The following DNAH10 variants were observed in gnomAD, a reference collection of about 807,000 sequenced individuals.
DNAH10 encodes the protein axonemal beta dynein heavy chain 10.
A neutral mutation model predicts 506.6 loss-of-function variants in DNAH10; 348 were observed. That is an observed-to-expected ratio of 0.69 (90% confidence interval 0.63 to 0.75). The LOEUF (loss-of-function observed/expected upper bound fraction) is 0.75. Among genes scored for constraint, DNAH10 ranks in the 30% least tolerant of loss-of-function variants. The pLI, the probability that DNAH10 is intolerant of heterozygous loss-of-function variation, is 0.00. For missense variants in DNAH10, 5,179 were observed against 5,787.1 expected (o/e 0.89, Z 3.41); for synonymous variants, 2,059 against 2,198.6 (o/e 0.94, Z 1.78).
Position 123,933,467 on chromosome 12 carries a change from C to A in DNAH10, c.13433C>A (p.Thr4478Asn). Reference protein sequence around the residue: ...LDRSTLFTQVTKFQDADEVNE... With the variant: ...LDRSTLFTQVNKFQDADEVNE... ...CGCTCCACCTTGTTCACACAAGTGACCAAGTTCCAGGATGCAGATGAAGTG... is the reference window on the plus strand; with the variant it reads ...CGCTCCACCTTGTTCACACAAGTGAACAAGTTCCAGGATGCAGATGAAGTG... Residue 4478 changes from threonine (T) to asparagine (N), a missense_variant, in exon 77 of 79, where the codon ACC becomes AAC. By Grantham distance (65) the Thr-to-Asn change is moderately conservative. Around this residue, in one of 3 missense-constraint regions of DNAH10, gnomAD observed 4,844 missense variants for 5,430.5 expected, o/e 0.89. Transcript: ENST00000673944. The A allele has an allele frequency of 6.2e-7, 1 of 1,611,932 alleles. No individual in the cohort carries two copies. The highest frequency in any genetic ancestry group is 1.7e-4 in the Middle Eastern group (1 of 6,050).
At chr12:123,848,486 G>C (rs1384025100) in intron 33 of DNAH10, among the ~76,000 whole-genome samples, 1 of 152,150 alleles carries the variant, frequency 6.6e-6, no homozygotes, top group Non-Finnish European at 1.5e-5. Flanking sequence ...CATTTCAAGA[G>C]AAGAGAAGAG....
rs758662504 is a variant in DNAH10 at position 123,903,511 on chromosome 12, C to T, written c.9815+398C>T. On this transcript the variant is annotated intron_variant, in intron 57 of 78. Coordinates refer to ENST00000673944, the MANE Select transcript of DNAH10 (RefSeq NM_001372106.1). This position sits in a 1 kb window ranked among gnomAD's most constrained non-coding sequence, Gnocchi z 4.6. ...GCTCTGCAGAGATGTGTGCACACCA[C>T]GGCCGGACTGGCGATGCCTGAATCC... Among the ~76,000 whole-genome samples, 4 of 152,198 alleles carry T rather than the reference C, an allele frequency of 2.6e-5. No homozygotes were observed. The highest frequency in any genetic ancestry group is 4.4e-5 in the Non-Finnish European group (3 of 68,030).
At chr12:123,884,667 A>G (rs1249842737) in intron 51 of DNAH10, among the ~76,000 whole-genome samples, 1 of 152,094 alleles carries the variant, frequency 6.6e-6, no homozygotes, top group African/African-American at 2.4e-5. Flanking sequence ...ATACCATCAC[A>G]TTGGGGGTTA....
chr12:123,916,849 C>T lies in DNAH10; in HGVS notation c.11002+113C>T. On this transcript the variant is annotated intron_variant, in intron 63 of 78. Coordinates refer to ENST00000673944, the MANE Select transcript of DNAH10 (RefSeq NM_001372106.1). The surrounding 1 kb of genome is among the most constrained non-coding windows in gnomAD (Gnocchi z 4.6). ...TCACTCAGTGACCCCAGATCATTCT[C>T]TCATAGGCACATCTGGACTAGTCAG... 7.7e-7 allele frequency: 1 copy of T among 1,306,964 alleles called. No homozygotes were observed. 81.0% of individuals were successfully genotyped at this position (1,306,964 alleles called of 1,614,324 possible).
At chr12:123,931,508 T>G (rs1474060126) in intron 74 of DNAH10, 36 bp downstream of exon 74, 1 of 1,609,554 alleles carries the variant, frequency 6.2e-7, no homozygotes, top group Non-Finnish European at 8.5e-7. Context: ...TTAGTTTGAT[T>G]GGGGTTTTAC....
At chr12:123,821,946 C>T (rs1959454702) in intron 24 of DNAH10, among the ~76,000 whole-genome samples, 1 of 151,948 alleles carries the variant, frequency 6.6e-6, no homozygotes, top group Non-Finnish European at 1.5e-5. Flanking sequence ...GTGGCTCACA[C>T]CTGTAATCCC....
chr12:123,928,743 CTCTT>C lies in DNAH10; in HGVS notation c.12306+158_12306+161del, dbSNP rs1168445555. ...TGAAACCCTTCTCAATCCCACCTCT[CTCTT>C]TAGAGGGAGCCGCTGTCCTGGGTTG... On this transcript the variant is annotated intron_variant, in intron 70 of 78. Coordinates refer to ENST00000673944, the MANE Select transcript of DNAH10 (RefSeq NM_001372106.1). This position sits in a 1 kb window ranked among gnomAD's most constrained non-coding sequence, Gnocchi z 4.9. 1 of 848,444 alleles carries C rather than the reference CTCTT, an allele frequency of 1.2e-6. No homozygotes were observed. Among genetic ancestry groups the C allele is most frequent in the Non-Finnish European group, 1.8e-6 (1 of 562,314 alleles). The allele number at this position is 848,444 out of a possible 1,614,324, so 52.6% of individuals were successfully genotyped here.
chr12:123,778,018 C>T (rs1957504661), intron 5 of DNAH10, among the ~76,000 whole-genome samples: 1 of 152,014 alleles, frequency 6.6e-6, no homozygotes, highest in African/African-American at 2.4e-5. Flanking sequence ...AACAAAATAA[C>T]ATCAACCCCA....
At chr12:123,844,193 T>A (rs951762111) in intron 30 of DNAH10, among the ~76,000 whole-genome samples, 4 of 152,116 alleles carry the variant, frequency 2.6e-5, no homozygotes, top group Non-Finnish European at 5.9e-5. Flanking sequence ...TCAGATCTCA[T>A]GAGAACTCAC....
chr12:123,825,534 G>A (rs1959888542), intron 24 of DNAH10, among the ~76,000 whole-genome samples: 1 of 152,172 alleles, frequency 6.6e-6, no homozygotes, highest in Non-Finnish European at 1.5e-5. Context: ...AGCGAAAGAA[G>A]CCAGATACAG....
chr12:123,833,084 C>A (rs759028013), intron 26 of DNAH10, 30 bp from the exon 27 acceptor site: 1 of 1,553,814 alleles, frequency 6.4e-7, no homozygotes, highest in Non-Finnish European at 8.8e-7. Context: ...GTTCGTGTGC[C>A]TGAATCATTC....
At chr12:123,827,136 G>A (rs936031580) in intron 25 of DNAH10, among the ~76,000 whole-genome samples, 12 of 151,972 alleles carry the variant, frequency 7.9e-5, no homozygotes, top group Non-Finnish European at 1.2e-4. Flanking sequence ...CAAAGTGGGC[G>A]TTTGCAGTTG....
chr12:123,932,260 C>T (rs558949768), intron 76 of DNAH10, among the ~76,000 whole-genome samples, 152 bp downstream of exon 76: 102 of 152,312 alleles, frequency 6.7e-4, no homozygotes, highest in African/African-American at 2.2e-3. Flanking sequence ...TCTTACAAGC[C>T]TATCTGTATC....
chr12:123,862,866 A>G (rs1338344661), intron 39 of DNAH10, among the ~76,000 whole-genome samples: 3 of 152,126 alleles, frequency 2.0e-5, no homozygotes, highest in East Asian at 1.9e-4. Context: ...ATACTTGCTT[A>G]AGTATTTAGG....
chr12:123,931,172 GTCAGTGCACT>G (rs905978550), intron 73 of DNAH10, among the ~76,000 whole-genome samples, 159 bp from the exon 74 acceptor site: 2 of 151,934 alleles, frequency 1.3e-5, no homozygotes, highest in African/African-American at 4.8e-5. Flanking sequence ...CAATGACCAT[GTCAGTGCACT>G]TCAGCCTGGG....
At chr12:123,898,051 A>T in intron 55 of DNAH10, 84 bp downstream of exon 55, 2 of 1,327,478 alleles carry the variant, frequency 1.5e-6, no homozygotes, top group Non-Finnish European at 2.0e-6. Flanking sequence ...CTTTAGTAAG[A>T]TGGGGCATCT....
At position 123,787,245 on chromosome 12, in the gene DNAH10, T is replaced by C. The variant is rs183620279; in HGVS notation, c.1422-559T>C. On this transcript the variant is annotated intron_variant, in intron 9 of 78. Coordinates refer to ENST00000673944, the MANE Select transcript of DNAH10 (RefSeq NM_001372106.1). This position sits in a 1 kb window ranked among gnomAD's most constrained non-coding sequence, Gnocchi z 4.6. ...ACATAGGTATCTATGTCTATATCCA[T>C]CTATACAGATAGGTATCTATGTCTA... is the stretch of plus-strand genomic sequence containing the variant. 6.6e-6 allele frequency among the ~76,000 whole-genome samples: 1 copy of C among 152,244 alleles called. No homozygotes were observed. The highest frequency in any genetic ancestry group is 1.5e-5 in the Non-Finnish European group (1 of 68,034).
At position 123,796,540 on chromosome 12, in the gene DNAH10, A is replaced by G. The variant is rs1020950632; in HGVS notation, c.1987-116A>G. 1.5e-4 allele frequency: 127 copies of G among 864,232 alleles called. 2 individuals are homozygous for G. Among genetic ancestry groups the G allele is most frequent in the Middle Eastern group, 2.6e-4 (1 of 3,790 alleles). The allele number at this position is 864,232 out of a possible 1,614,324, so 53.5% of individuals were successfully genotyped here. ...GTAAACAGTGAAAACACTATTCTGC[A>G]TCTTAGAATATTTTTTGACATTCCA... On this transcript the variant is annotated intron_variant, in intron 12 of 78. Coordinates refer to ENST00000673944, the MANE Select transcript of DNAH10 (RefSeq NM_001372106.1).
rs541444954 is a variant in DNAH10, at chr12:123,903,311, C to A, written c.9815+198C>A. 1.3e-5 allele frequency among the ~76,000 whole-genome samples: 2 copies of A among 152,220 alleles called. No homozygotes were observed. The highest frequency in any genetic ancestry group is 4.2e-4 in the South Asian group (2 of 4,814). Reference sequence around the variant, plus strand: ...GAGGCCCAGGGAGATGAGGTGGGCGCCCCAGGCATCCAGATCCCCCAGCTA... The same window carrying A: ...GAGGCCCAGGGAGATGAGGTGGGCGACCCAGGCATCCAGATCCCCCAGCTA... On this transcript the variant is annotated intron_variant, in intron 57 of 78. Transcript: ENST00000673944. The surrounding 1 kb of genome is among the most constrained non-coding windows in gnomAD (Gnocchi z 4.6).
Sources: allele counts gnomAD v4.1 joint callset (sites outside exome capture counted in the v4.1 genomes callset), GRCh38; gene constraint gnomAD v4.1.1; regional missense constraint gnomAD v4.1.1; non-coding constraint Gnocchi (gnomAD v3.1); transcripts MANE v1.5; gene names NCBI Gene and HGNC (gene_info 2026-07-23, HGNC 2026-07-21).